The following CSMD1 variants were observed in gnomAD, a reference collection of about 807,000 sequenced individuals.
The protein encoded by CSMD1 is CUB and Sushi multiple domains 1.
CSMD1 carries 213 observed loss-of-function variants against 417.5 expected under a neutral mutation model. The ratio of observed to expected loss-of-function variants is 0.51; its 90% CI spans 0.46 to 0.57. The LOEUF (loss-of-function observed/expected upper bound fraction) is 0.57. CSMD1 is among the 20% of genes least tolerant of loss of function. CSMD1 has a pLI of 0.00. For missense variants in CSMD1, 6,923 were observed against 4,529.7 expected, an observed-to-expected ratio of 1.53 and a Z score of -15.17; for synonymous variants, 2,862 against 1,736.8, an observed-to-expected ratio of 1.65 and a Z score of -16.11.
intron 2 of CSMD1, among the ~76,000 whole-genome samples, chr8:4,597,795 G>A (rs1308515891): frequency 6.6e-6 from 1 of 152,076 alleles, no homozygotes; most frequent in African/African-American, 2.4e-5. Flanking sequence ...GCCAGTCACT[G>A]TGCTTGCCAC....
chr8:4,824,747 T>C (rs569297768), intron 1 of CSMD1, among the ~76,000 whole-genome samples: 21 of 152,172 alleles, frequency 1.4e-4, no homozygotes, highest in African/African-American at 4.1e-4. Context: ...CTGCTGGAAC[T>C]TGTCACTCAA....
At position 3,988,407 on chromosome 8, in the gene CSMD1, G is replaced by A. The variant is rs554859779; in HGVS notation, c.818+9496C>T. On this transcript the variant is annotated intron_variant, in intron 5 of 69. Transcript: ENST00000635120. The stretch of plus-strand genomic sequence containing the variant: ...ATTATTATGAATGATAATTAGTTAT[G>A]GTTTTAGGTCTGTGTTTGTCAAATA... Among the ~76,000 whole-genome samples, 23 of 152,266 alleles carry A rather than the reference G, an allele frequency of 1.5e-4. No homozygotes were observed. In the East Asian group the frequency reaches 2.7e-3, roughly 18 times the overall value.
At chr8:4,868,499 G>C (rs1007646952) in intron 1 of CSMD1, among the ~76,000 whole-genome samples, 1 of 152,120 alleles carries the variant, frequency 6.6e-6, no homozygotes, top group South Asian at 2.1e-4. Context: ...GTCTCCCAAA[G>C]TGCTAAAATG....
At chr8:4,432,892 G>C (rs546252376) in intron 2 of CSMD1, among the ~76,000 whole-genome samples, 1 of 152,302 alleles carries the variant, frequency 6.6e-6, no homozygotes, top group East Asian at 1.9e-4. Flanking sequence ...TGCCCATCAA[G>C]GGGTGAGCAG....
chr8:3,395,098 G>C (rs978075697), intron 17 of CSMD1, among the ~76,000 whole-genome samples: 8 of 152,150 alleles, frequency 5.3e-5, no homozygotes, highest in Non-Finnish European at 1.2e-4. Flanking sequence ...GTGGGGAATG[G>C]AAGGCAAGAA....
At chr8:4,685,096 C>T (rs1487122065) in intron 1 of CSMD1, among the ~76,000 whole-genome samples, 1 of 152,154 alleles carries the variant, frequency 6.6e-6, no homozygotes, top group Non-Finnish European at 1.5e-5. Flanking sequence ...TATTTACTGC[C>T]TTCTATTATT....
intron 3 of CSMD1, among the ~76,000 whole-genome samples, chr8:4,312,261 T>G (rs1437942889): frequency 6.6e-6 from 1 of 151,728 alleles, no homozygotes; most frequent in Non-Finnish European, 1.5e-5. Context: ...CCTAATTTAT[T>G]GGCAAACTTT....
chr8:4,512,168 G>A (rs942721457), intron 2 of CSMD1, among the ~76,000 whole-genome samples: 3 of 152,024 alleles, frequency 2.0e-5, no homozygotes, highest in African/African-American at 4.8e-5. Context: ...CACATCAACA[G>A]GTTAAAGAAA....
chr8:3,457,712 A>T (rs879335556), intron 12 of CSMD1, among the ~76,000 whole-genome samples: 1 of 152,256 alleles, frequency 6.6e-6, no homozygotes, highest in Non-Finnish European at 1.5e-5. Flanking sequence ...AAAAACTCGT[A>T]AAGGAAACAG....
At position 3,243,652 on chromosome 8, in the gene CSMD1, G is replaced by T. The variant is rs146706523; in HGVS notation, c.4154-13421C>A. Among the ~76,000 whole-genome samples, 385 of 152,122 alleles carry T rather than the reference G, an allele frequency of 2.5e-3. 5 individuals carry two copies. The highest frequency in any genetic ancestry group is 8.6e-3 in the African/African-American group (358 of 41,488). ...AGTTAAGGCAGGAACTGGCCATCTG[G>T]ATGTGTACATGCAGGTCACAGGGGA... On this transcript the variant is annotated intron_variant, in intron 26 of 69. Transcript: ENST00000635120.
At chr8:4,834,114 G>C (rs963145951) in intron 1 of CSMD1, among the ~76,000 whole-genome samples, 2 of 152,134 alleles carry the variant, frequency 1.3e-5, no homozygotes, top group African/African-American at 2.4e-5. Flanking sequence ...TTTGTTTCTT[G>C]TTACATAATT....
At chr8:3,638,025 T>C (rs913382118) in intron 7 of CSMD1, among the ~76,000 whole-genome samples, 13 of 152,160 alleles carry the variant, frequency 8.5e-5, no homozygotes, top group African/African-American at 2.9e-4. Context: ...TTTTTCATTA[T>C]AAATTACGCA....
rs1563150225 is a variant in CSMD1, at chr8:3,556,543, CACACACA to C, written c.1344+18395_1344+18401del. Among the ~76,000 whole-genome samples, 625 of 143,698 alleles carry C rather than the reference CACACACA, an allele frequency of 4.3e-3. 7 individuals carry two copies. Among genetic ancestry groups the C allele is most frequent in the African/African-American group, 0.014 (475 of 35,062 alleles). The allele number at this position is 143,698 out of a possible 152,430, so 94.3% of individuals were successfully genotyped here. ...ACACACACACACACACACACACACA[CACACACA>C]CCCTCTCTCTCTTTCAGAAATGGAA... On this transcript the variant is annotated intron_variant, in intron 10 of 69. Coordinates refer to ENST00000635120, the MANE Select transcript of CSMD1 (RefSeq NM_033225.6).
At chr8:4,334,376 G>A (rs1324012113) in intron 3 of CSMD1, among the ~76,000 whole-genome samples, 1 of 152,120 alleles carries the variant, frequency 6.6e-6, no homozygotes. Context: ...CTTAGGTGGT[G>A]GGCTTCATTC....
At chr8:3,208,897 G>A (rs1797447374) in intron 30 of CSMD1, among the ~76,000 whole-genome samples, 1 of 152,134 alleles carries the variant, frequency 6.6e-6, no homozygotes, top group South Asian at 2.1e-4. Flanking sequence ...TTGTTCCTCA[G>A]CCTGCAGACA....
chr8:3,694,112 G>A (rs77274937), intron 7 of CSMD1, among the ~76,000 whole-genome samples: 1 of 151,730 alleles, frequency 6.6e-6, no homozygotes, highest in Non-Finnish European at 1.5e-5. Context: ...TTGGGTATAG[G>A]TGTGTTTGCT....
chr8:4,583,585 T>C (rs144959984), intron 2 of CSMD1, among the ~76,000 whole-genome samples: 6,339 of 152,110 alleles, frequency 0.042, 436 homozygotes, highest in African/African-American at 0.14. Context: ...TCAAGGTTTG[T>C]GAGTGCACCA....
intron 2 of CSMD1, among the ~76,000 whole-genome samples, chr8:4,444,175 C>G (rs902041964): frequency 1.3e-5 from 2 of 151,524 alleles, no homozygotes; most frequent in Admixed American, 6.6e-5. Flanking sequence ...AACCCTGTGC[C>G]TACTAAAAAT....
intron 3 of CSMD1, among the ~76,000 whole-genome samples, chr8:4,204,597 T>C (rs1179477556): frequency 2.0e-5 from 3 of 152,182 alleles, no homozygotes; most frequent in Admixed American, 6.5e-5. Context: ...ACAAAAATAA[T>C]TGCATAAAAG....
Sources: allele counts gnomAD v4.1 joint callset (sites outside exome capture counted in the v4.1 genomes callset), GRCh38; gene constraint gnomAD v4.1.1; transcripts MANE v1.5; gene names NCBI Gene and HGNC (gene_info 2026-07-23, HGNC 2026-07-21).